CNTN4: variants seen among roughly 807,000 people sequenced by gnomAD.
CNTN4 encodes contactin 4.
Under a neutral mutation model 122.5 loss-of-function variants are expected in CNTN4, and 77 were observed. The ratio of observed to expected loss-of-function variants is 0.63; its 90% CI spans 0.52 to 0.76. The LOEUF (loss-of-function observed/expected upper bound fraction) is 0.76, where lower values mean the gene tolerates loss of function less well. Ranked by LOEUF, CNTN4 falls within the 30% of genes least tolerant of loss-of-function variation. CNTN4 has a pLI of 0.00. For synonymous variants in CNTN4, 512 were observed against 447.0 expected (o/e 1.15, Z -1.83); for missense variants, 1,256 against 1,259.1 (o/e 1.00, Z 0.04).
chr3:2,714,695 C>T (rs4597694), intron 4 of CNTN4, among the ~76,000 whole-genome samples: 76,227 of 151,988 alleles, frequency 0.5, 22,129 homozygotes, highest in Non-Finnish European at 0.66. Flanking sequence ...TCATTCCCGT[C>T]GGGGTTGGGA....
At chr3:2,772,419 G>T (rs117941394) in intron 6 of CNTN4, among the ~76,000 whole-genome samples, 1 of 149,330 alleles carries the variant, frequency 6.7e-6, no homozygotes, top group East Asian at 2.0e-4. Context: ...TGAGAGTAAA[G>T]AGTACAGAAA....
chr3:2,569,925 C>A (rs2079344481), intron 3 of CNTN4, among the ~76,000 whole-genome samples: 1 of 152,080 alleles, frequency 6.6e-6, no homozygotes, highest in South Asian at 2.1e-4. Flanking sequence ...ACAGCCCCTA[C>A]TGGATAAAGA....
intron 4 of CNTN4, among the ~76,000 whole-genome samples, chr3:2,613,568 A>G (rs138814994): frequency 2.0e-4 from 30 of 152,336 alleles, no homozygotes; most frequent in Non-Finnish European, 2.8e-4. Context: ...AAGATGGTAT[A>G]CATAAGACCA....
chr3:2,940,009 A>C (rs551591081), intron 13 of CNTN4, among the ~76,000 whole-genome samples: 1 of 152,344 alleles, frequency 6.6e-6, no homozygotes, highest in South Asian at 2.1e-4. Flanking sequence ...GCACACCACT[A>C]GCTGTGGGCA....
At chr3:2,689,046 C>T (rs1334297209) in intron 4 of CNTN4, among the ~76,000 whole-genome samples, 2 of 152,114 alleles carry the variant, frequency 1.3e-5, no homozygotes, top group Admixed American at 6.6e-5. Context: ...ACAGAGAGTT[C>T]GAAAGGTTGC....
At chr3:2,736,770 TTTTATTTATTTATTTA>T (rs563317741) in intron 5 of CNTN4, among the ~76,000 whole-genome samples, 3 of 137,336 alleles carry the variant, frequency 2.2e-5, no homozygotes, top group Admixed American at 7.6e-5. Context: ...GACCAAGAGC[TTTTATTTATTTATTTA>T]TTTATTTATT....
At chr3:2,373,855 G>T (rs1257144689) in intron 3 of CNTN4, among the ~76,000 whole-genome samples, 1 of 152,174 alleles carries the variant, frequency 6.6e-6, no homozygotes, top group African/African-American at 2.4e-5. Flanking sequence ...CCAGTACAAA[G>T]TAGATGCAAT....
intron 2 of CNTN4, among the ~76,000 whole-genome samples, chr3:2,256,507 A>G (rs766487365): frequency 6.6e-6 from 1 of 152,198 alleles, no homozygotes; most frequent in Non-Finnish European, 1.5e-5. Flanking sequence ...ATTTCAGGTC[A>G]GTATCCCTGA....
At chr3:2,677,719 C>G (rs538249054) in intron 4 of CNTN4, among the ~76,000 whole-genome samples, 12 of 151,882 alleles carry the variant, frequency 7.9e-5, no homozygotes, top group Middle Eastern at 3.4e-3. Flanking sequence ...GGCAGGCACT[C>G]TAGTCAATGA....
intron 2 of CNTN4, among the ~76,000 whole-genome samples, chr3:2,216,796 C>T (rs563957540): frequency 5.3e-5 from 8 of 152,104 alleles, no homozygotes; most frequent in Admixed American, 5.2e-4. Context: ...CATACCCCTC[C>T]TCACTCCATA....
At chr3:2,930,546 T>A (rs1000099975) in intron 13 of CNTN4, among the ~76,000 whole-genome samples, 29 of 152,244 alleles carry the variant, frequency 1.9e-4, no homozygotes, top group Non-Finnish European at 7.3e-5. Context: ...AATAAAGTCT[T>A]CTTATTCTTA....
intron 14 of CNTN4, among the ~76,000 whole-genome samples, chr3:3,014,984 G>A (rs1488557768): frequency 6.7e-6 from 1 of 148,364 alleles, no homozygotes; most frequent in Non-Finnish European, 1.5e-5. Flanking sequence ...CTTCAAACCT[G>A]CTCCAGAGAG....
chr3:2,464,697 C>G (rs1167224780), intron 3 of CNTN4, among the ~76,000 whole-genome samples: 2 of 152,176 alleles, frequency 1.3e-5, no homozygotes, highest in Admixed American at 1.3e-4. Context: ...TGCATTTTAT[C>G]AAGGACTACA....
intron 4 of CNTN4, among the ~76,000 whole-genome samples, chr3:2,674,866 C>G (rs74473933): frequency 0.026 from 3,908 of 152,274 alleles, 161 homozygotes; most frequent in African/African-American, 0.089. Flanking sequence ...TGTTAACCAA[C>G]CTCTCCCTAT....
At chr3:2,962,878 C>T (rs544516276) in intron 13 of CNTN4, among the ~76,000 whole-genome samples, 20 of 152,274 alleles carry the variant, frequency 1.3e-4, no homozygotes, top group South Asian at 4.1e-4. Context: ...GAGTCCCATC[C>T]GTCTTGTTCC....
At chr3:2,608,623 A>C (rs1421000009) in intron 4 of CNTN4, among the ~76,000 whole-genome samples, 4 of 152,138 alleles carry the variant, frequency 2.6e-5, no homozygotes, top group African/African-American at 9.7e-5. Context: ...CTGGTATTAC[A>C]GGCACGTGCC....
intron 3 of CNTN4, among the ~76,000 whole-genome samples, chr3:2,417,644 G>A (rs192025581): frequency 6.6e-6 from 1 of 152,170 alleles, no homozygotes; most frequent in African/African-American, 2.4e-5. Context: ...TTACCCGAAG[G>A]AGGTGAAAAC....
At chr3:2,336,466 C>G (rs533424566) in intron 2 of CNTN4, among the ~76,000 whole-genome samples, 1 of 152,202 alleles carries the variant, frequency 6.6e-6, no homozygotes, top group South Asian at 2.1e-4. Context: ...AGCATTGTGA[C>G]TTATTTGTAT....
chr3:2,868,076 G>C (rs1177259634), intron 8 of CNTN4, among the ~76,000 whole-genome samples: 1 of 152,058 alleles, frequency 6.6e-6, no homozygotes, highest in Non-Finnish European at 1.5e-5. Context: ...TACACATTCA[G>C]ATCTTCTATT....
Sources: allele counts gnomAD v4.1 joint callset (sites outside exome capture counted in the v4.1 genomes callset), GRCh38; gene constraint gnomAD v4.1.1; transcripts MANE v1.5; gene names NCBI Gene and HGNC (gene_info 2026-07-23, HGNC 2026-07-21).